The following PIK3C3 variants were observed in gnomAD, a reference collection of about 807,000 sequenced individuals.
PIK3C3 encodes phosphatidylinositol 3-kinase catalytic subunit type 3.
Under a neutral mutation model 126.1 loss-of-function variants are expected in PIK3C3, and 95 were observed. The ratio of observed to expected loss-of-function variants is 0.75; its 90% confidence interval spans 0.64 to 0.89. The LOEUF (loss-of-function observed/expected upper bound fraction) is 0.89. Ranked by LOEUF, PIK3C3 falls within the 40% of genes least tolerant of loss-of-function variation. PIK3C3 has a pLI of 0.00. For synonymous variants in PIK3C3, 374 were observed against 360.0 expected, an observed-to-expected ratio of 1.04 and a Z score of -0.44; for missense variants, 829 against 1,063.2, an observed-to-expected ratio of 0.78 and a Z score of 3.06.
At chr18:42,061,701 A>G (rs1000036782) in intron 22 of PIK3C3, among the ~76,000 whole-genome samples, 5 of 152,196 alleles carry the variant, frequency 3.3e-5, no homozygotes, top group Non-Finnish European at 5.9e-5. Flanking sequence ...ATTCAGGTTA[A>G]TGACAACAGA....
intron 17 of PIK3C3, among the ~76,000 whole-genome samples, chr18:42,038,347 CTA>C (rs897978154): frequency 2.0e-5 from 3 of 151,760 alleles, no homozygotes; most frequent in Non-Finnish European, 2.9e-5. Flanking sequence ...GTTAAATTAA[CTA>C]TTTTTTTTTT....
chr18:41,985,571 T>G (rs1387239320), intron 4 of PIK3C3, among the ~76,000 whole-genome samples: 2 of 152,204 alleles, frequency 1.3e-5, no homozygotes, highest in Non-Finnish European at 2.9e-5. Context: ...ATAGTGTGTG[T>G]GTACTCTAGT....
intron 12 of PIK3C3, among the ~76,000 whole-genome samples, chr18:42,019,709 G>A (rs972999530): frequency 1.3e-5 from 2 of 152,074 alleles, no homozygotes; most frequent in African/African-American, 4.8e-5. Flanking sequence ...TTCTAGCTCA[G>A]ATCTTTCACC....
chr18:41,991,003 C>T (rs965876468), intron 6 of PIK3C3, among the ~76,000 whole-genome samples: 17 of 152,150 alleles, frequency 1.1e-4, no homozygotes, highest in African/African-American at 3.9e-4. Flanking sequence ...TGAAATACTT[C>T]AGAAATGTCC....
At chr18:42,015,655 A>G in intron 12 of PIK3C3, 89 bp downstream of exon 12, 1 of 834,638 alleles carries the variant, frequency 1.2e-6, no homozygotes, top group South Asian at 1.5e-5. Flanking sequence ...ATTTTGATTA[A>G]ATAACTAAAT....
At chr18:42,073,194 G>A (rs1014255609) in intron 24 of PIK3C3, among the ~76,000 whole-genome samples, 1 of 152,186 alleles carries the variant, frequency 6.6e-6, no homozygotes, top group Admixed American at 6.5e-5. Flanking sequence ...TAGGAACATA[G>A]CACTGCTGTC....
intron 22 of PIK3C3, among the ~76,000 whole-genome samples, chr18:42,062,287 C>T (rs1247384754): frequency 6.6e-6 from 1 of 150,788 alleles, no homozygotes; most frequent in Non-Finnish European, 1.5e-5. Flanking sequence ...ACGCTGCTGG[C>T]ATCACATTCC....
chr18:42,027,648 T>A, intron 14 of PIK3C3, 100 bp downstream of exon 14: 1 of 485,166 alleles, frequency 2.1e-6, no homozygotes, highest in Non-Finnish European at 3.6e-6. Flanking sequence ...TGGTTTTATA[T>A]ATTTATTTTT....
rs2276268 is a variant in PIK3C3 at position 41,987,735 on chromosome 18, A to T, written c.532-77A>T. The T allele has an allele frequency of 4.2e-3, 3,696 of 872,832 alleles. 140 individuals carry two copies. In the East Asian group the frequency reaches 0.079, roughly 19 times the overall value. 54.1% of individuals were successfully genotyped at this position (872,832 alleles called of 1,614,324 possible). On this transcript the variant is annotated intron_variant, in intron 4 of 24. Transcript: ENST00000262039. ...GGAAAGTATCATATGTGAAGTGTAC[A>T]TTGCCATTCTGACATTTTTGGTCCT... is the stretch of plus-strand genomic sequence containing the variant.
In PIK3C3 at chr18:42,013,626, T is replaced by G. The variant is rs541711780; in HGVS notation, c.1325+30T>G. Reference sequence around the variant, plus strand: ...GGATATCCAGGGAGGACATATTTTCTAGTTTGTTAATTTTTCCCTTTTCAA... The same window carrying G: ...GGATATCCAGGGAGGACATATTTTCGAGTTTGTTAATTTTTCCCTTTTCAA... On this transcript the variant is annotated intron_variant, in intron 11 of 24. Transcript: ENST00000262039. 29 of 1,505,996 alleles carry G rather than the reference T, an allele frequency of 1.9e-5. No homozygotes were observed. In the South Asian group the frequency reaches 3.3e-4, roughly 17 times the overall value. The allele number at this position is 1,505,996 out of a possible 1,614,324, so 93.3% of individuals were successfully genotyped here. A position where few individuals can be genotyped will look rare whatever the true frequency, so the allele number is the denominator to read the frequency against.
intron 3 of PIK3C3, among the ~76,000 whole-genome samples, chr18:41,969,700 GA>G (rs1054150177): frequency 6.6e-6 from 1 of 152,146 alleles, no homozygotes; most frequent in African/African-American, 2.4e-5. Flanking sequence ...AACATTTATT[GA>G]ATACTAACTG....
intron 21 of PIK3C3, chr18:42,049,994 ATGAGT>A (rs1019388132): frequency 1.3e-5 from 2 of 152,298 alleles, no homozygotes; most frequent in East Asian, 3.8e-4. Context: ...AAAAAAAAAG[ATGAGT>A]TGCGTAATTG....
In PIK3C3 at chr18:41,987,871, A is replaced by T. The variant is rs773994975; in HGVS notation, c.591A>T (p.Thr197=). 6.3e-7 allele frequency: 1 copy of T among 1,597,562 alleles called. No homozygotes were observed. The highest frequency in any genetic ancestry group is 2.3e-5 in the East Asian group (1 of 44,338). The change falls in exon 5 of 25, where the codon ACA becomes ACT. Residue 197 remains threonine (T), a synonymous_variant. Coordinates refer to ENST00000262039, the MANE Select transcript of PIK3C3 (RefSeq NM_002647.4). ...MVKVDWLDRL[T]FREIEMINES... is the part of the protein sequence containing the mutation. ...AAGTAGATTGGCTGGATAGATTGAC[A>T]TTTAGAGAAATAGAAATGATAAATG...
chr18:42,055,394 T>C (rs1985019799), intron 21 of PIK3C3, among the ~76,000 whole-genome samples: 1 of 152,108 alleles, frequency 6.6e-6, no homozygotes, highest in South Asian at 2.1e-4. Context: ...TAATAAGTAT[T>C]GGGAACAGAG....
rs1986293683 is a variant in PIK3C3 at position 42,082,725 on chromosome 18, T to G, written c.*1588T>G. The stretch of plus-strand genomic sequence containing the variant: ...ACACTTGCATCTCCTATTTCAGGAT[T>G]TGGCATACTTTTTCTTTAATGGGCT... On this transcript the variant is annotated 3_prime_UTR_variant, in exon 25 of 25. Transcript: ENST00000262039. 6.6e-6 allele frequency: 1 copy of G among 152,178 alleles called. No homozygotes were observed. The highest frequency in any genetic ancestry group is 2.1e-4 in the South Asian group (1 of 4,834). 9.4% of individuals were successfully genotyped at this position (152,178 alleles called of 1,614,324 possible). A position where few individuals can be genotyped will look rare whatever the true frequency, so the allele number is the denominator to read the frequency against.
intron 21 of PIK3C3, among the ~76,000 whole-genome samples, chr18:42,054,729 G>A (rs1356277949): frequency 6.6e-6 from 1 of 151,944 alleles, no homozygotes; most frequent in Non-Finnish European, 1.5e-5. Context: ...GGTGACTTTG[G>A]GTAAGTTACA....
At chr18:42,050,701 A>G (rs1984764191) in intron 21 of PIK3C3, 1 of 152,248 alleles carries the variant, frequency 6.6e-6, no homozygotes, top group Non-Finnish European at 1.5e-5. Context: ...CTTCATTTTT[A>G]CTACTTTGAC....
At chr18:42,021,124 G>A (rs1195092063) in intron 13 of PIK3C3, among the ~76,000 whole-genome samples, 1 of 152,140 alleles carries the variant, frequency 6.6e-6, no homozygotes, top group Non-Finnish European at 1.5e-5. Flanking sequence ...GGAAACTGAG[G>A]CAGAGGCTTG....
At chr18:42,015,606 C>T in intron 12 of PIK3C3, 40 bp downstream of exon 12, 1 of 1,355,088 alleles carries the variant, frequency 7.4e-7, no homozygotes, top group Non-Finnish European at 1.1e-6. Context: ...AGGAGAGATC[C>T]TACTGCATGA....
Sources: allele counts gnomAD v4.1 joint callset (sites outside exome capture counted in the v4.1 genomes callset), GRCh38; gene constraint gnomAD v4.1.1; transcripts MANE v1.5; gene names NCBI Gene and HGNC (gene_info 2026-07-23, HGNC 2026-07-21).